The following MYO1B variants were observed in gnomAD, a reference collection of about 807,000 sequenced individuals.
The protein encoded by MYO1B is unconventional myosin-Ib.
MYO1B carries 72 observed loss-of-function variants against 159.7 expected under a neutral mutation model. The observed-to-expected ratio is 0.45, with a 90% CI of 0.37 to 0.55. The LOEUF (loss-of-function observed/expected upper bound fraction) is 0.55. Among genes scored for constraint, MYO1B ranks in the 20% least tolerant of loss-of-function variants. MYO1B has a pLI of 0.00. For missense variants in MYO1B, 1,062 were observed against 1,364.8 expected (o/e 0.78, Z 3.50); for synonymous variants, 468 against 473.8 (o/e 0.99, Z 0.16).
chr2:191,341,368 C>A, intron 4 of MYO1B, 93 bp from the exon 5 acceptor site: 1 of 903,754 alleles, frequency 1.1e-6, no homozygotes, highest in Non-Finnish European at 1.7e-6. Flanking sequence ...TTTGAAAATG[C>A]CGTTAGTGGG....
intron 7 of MYO1B, among the ~76,000 whole-genome samples, chr2:191,358,961 G>C (rs1464018230): frequency 6.6e-6 from 1 of 152,208 alleles, no homozygotes; most frequent in Non-Finnish European, 1.5e-5. Flanking sequence ...AGGAATTCGT[G>C]CATGAATGGA....
At chr2:191,316,356 T>A (rs2125878919) in intron 3 of MYO1B, among the ~76,000 whole-genome samples, 1 of 152,340 alleles carries the variant, frequency 6.6e-6, no homozygotes, top group South Asian at 2.1e-4. Flanking sequence ...ATAAGTCATA[T>A]GATAAATAGA....
chr2:191,291,993 T>G (rs1011501420), intron 2 of MYO1B, among the ~76,000 whole-genome samples: 1 of 152,194 alleles, frequency 6.6e-6, no homozygotes, highest in Non-Finnish European at 1.5e-5. Context: ...GTTATTCTAC[T>G]GGCCCATGTA....
At chr2:191,380,808 A>C (rs1054169023) in intron 13 of MYO1B, among the ~76,000 whole-genome samples, 1 of 152,176 alleles carries the variant, frequency 6.6e-6, no homozygotes, top group Admixed American at 6.5e-5. Flanking sequence ...TCATACAGTC[A>C]GCCAATACAT....
At chr2:191,367,831 A>G (rs927323556) in intron 11 of MYO1B, among the ~76,000 whole-genome samples, 32 of 152,260 alleles carry the variant, frequency 2.1e-4, no homozygotes, top group African/African-American at 7.2e-4. Context: ...TTCAGAAATC[A>G]ATATAAGTAC....
At chr2:191,393,502 G>A (rs1695889951) in intron 20 of MYO1B, among the ~76,000 whole-genome samples, 1 of 152,160 alleles carries the variant, frequency 6.6e-6, no homozygotes, top group South Asian at 2.1e-4. Flanking sequence ...GCCTTTCACT[G>A]ATCTAGCTGT....
intron 8 of MYO1B, 131 bp from the exon 9 acceptor site, chr2:191,362,137 T>G (rs907741339): frequency 3.2e-6 from 2 of 631,260 alleles, no homozygotes; most frequent in African/African-American, 3.7e-5. Context: ...TTGGGTATAA[T>G]TTGTGTTCTT....
intron 4 of MYO1B, among the ~76,000 whole-genome samples, chr2:191,340,838 G>A (rs1481619068): frequency 6.6e-6 from 1 of 151,768 alleles, no homozygotes; most frequent in Non-Finnish European, 1.5e-5. Context: ...CACTCCTTCT[G>A]CCTCAGCCTC....
At chr2:191,298,294 T>A (rs1378161) in intron 3 of MYO1B, among the ~76,000 whole-genome samples, 151,313 of 152,372 alleles carry the variant, frequency 0.99, 75,135 homozygotes, top group East Asian at 1. Flanking sequence ...ATTGCAAGTG[T>A]TCTTGTTTCA....
At chr2:191,299,678 A>G (rs537969753) in intron 3 of MYO1B, among the ~76,000 whole-genome samples, 2 of 152,240 alleles carry the variant, frequency 1.3e-5, no homozygotes, top group South Asian at 4.1e-4. Context: ...CAGTAAAAAC[A>G]TAGTGAACAG....
intron 5 of MYO1B, among the ~76,000 whole-genome samples, chr2:191,344,703 G>A (rs956147199): frequency 2.7e-5 from 4 of 150,578 alleles, no homozygotes; most frequent in African/African-American, 9.7e-5. Context: ...AGTGGCGGGC[G>A]CCTGTAGTCC....
intron 30 of MYO1B, among the ~76,000 whole-genome samples, chr2:191,423,238 G>A (rs1698054630): frequency 2.6e-5 from 4 of 152,168 alleles, no homozygotes; most frequent in Non-Finnish European, 5.9e-5. Flanking sequence ...GTATATTATA[G>A]TATAGCCAAC....
At chr2:191,258,962 C>G (rs1474434125) in intron 1 of MYO1B, among the ~76,000 whole-genome samples, 1 of 152,212 alleles carries the variant, frequency 6.6e-6, no homozygotes, top group Non-Finnish European at 1.5e-5. Flanking sequence ...ACCTGACTAT[C>G]TTCTGCAACT....
At chr2:191,362,478 A>G in intron 9 of MYO1B, 107 bp downstream of exon 9, 2 of 692,076 alleles carry the variant, frequency 2.9e-6, no homozygotes, top group Non-Finnish European at 4.6e-6. Context: ...CATTCTCCCT[A>G]AGGTTTTAGA....
At chr2:191,314,065 G>A (rs1453381295) in intron 3 of MYO1B, among the ~76,000 whole-genome samples, 1 of 152,224 alleles carries the variant, frequency 6.6e-6, no homozygotes. Flanking sequence ...ACCATGTAAA[G>A]CAAGCTTCTG....
In MYO1B at chr2:191,414,063, C is replaced by T. The variant is rs1697413906; in HGVS notation, c.2889C>T (p.Phe963=). The change falls in exon 28 of 31, where the codon TTC becomes TTT. Residue 963 remains phenylalanine, a synonymous_variant. Transcript: ENST00000392318. ...TTTCCTTTAGTGTTGGGCAACCATT[C>T]CAAGGGGCTTACCTGGAAATCAACA... ...ALYPSSVGQP[F]QGAYLEINKN... The T allele has an allele frequency of 6.2e-7, 1 of 1,608,526 alleles. No individual in the cohort carries two copies. Among genetic ancestry groups the T allele is most frequent in the Non-Finnish European group, 8.5e-7 (1 of 1,177,806 alleles).
chr2:191,400,282 A>G (rs1041090136), intron 21 of MYO1B, 100 bp from the exon 22 acceptor site: 43 of 1,236,130 alleles, frequency 3.5e-5, no homozygotes, highest in Admixed American at 5.2e-5. Flanking sequence ...TCACAATAGC[A>G]TGGGTGTTAG....
intron 3 of MYO1B, among the ~76,000 whole-genome samples, chr2:191,308,206 C>G (rs529667584): frequency 1.3e-5 from 2 of 152,296 alleles, no homozygotes; most frequent in African/African-American, 4.8e-5. Flanking sequence ...CAAGATACTC[C>G]TGTTACCCAG....
At chr2:191,341,661 G>T (rs1028104172) in intron 5 of MYO1B, 96 bp downstream of exon 5, 3 of 907,878 alleles carry the variant, frequency 3.3e-6, no homozygotes, top group Non-Finnish European at 3.5e-6. Context: ...AGGTATTCTG[G>T]GAGGGAAGAG....
Sources: gnomAD v4.1 joint callset for allele counts (sites outside exome capture counted in the v4.1 genomes callset) on GRCh38, gnomAD v4.1.1 for gene constraint, MANE v1.5 for transcripts, NCBI Gene and HGNC (gene_info 2026-07-23, HGNC 2026-07-21) for gene names.